KLF12: variants seen among roughly 807,000 people sequenced by gnomAD.
KLF12 encodes the protein KLF transcription factor 12.
A neutral mutation model predicts 37.8 loss-of-function variants in KLF12; 9 were observed. The observed-to-expected ratio is 0.24, with a 90% CI of 0.14 to 0.42. The LOEUF is 0.42. KLF12 is among the 10% of genes least tolerant of loss of function. The pLI, the probability that KLF12 is intolerant of heterozygous loss-of-function variation, is 1.00. For synonymous variants in KLF12, 208 were observed against 202.1 expected (o/e 1.03, Z -0.25); for missense variants, 411 against 516.0 (o/e 0.80, Z 1.97).
intron 3 of KLF12, among the ~76,000 whole-genome samples, chr13:73,857,410 A>G (rs970653779): frequency 6.6e-6 from 1 of 152,228 alleles, no homozygotes; most frequent in African/African-American, 2.4e-5. Flanking sequence ...ATAATGACAT[A>G]AAATTTGAGA....
chr13:73,998,305 A>C (rs560293451), intron 1 of KLF12, among the ~76,000 whole-genome samples: 1 of 152,298 alleles, frequency 6.6e-6, no homozygotes, highest in South Asian at 2.1e-4. Context: ...AATACATTTT[A>C]AATGTATTAA....
At chr13:73,881,403 C>A (rs1429148708) in intron 3 of KLF12, among the ~76,000 whole-genome samples, 1 of 152,014 alleles carries the variant, frequency 6.6e-6, no homozygotes, top group East Asian at 1.9e-4. Flanking sequence ...AAATTTTCAA[C>A]TTATTTGCTC....
intron 1 of KLF12, among the ~76,000 whole-genome samples, chr13:74,007,881 C>T (rs7986341): frequency 0.72 from 108,494 of 150,212 alleles, 39,695 homozygotes; most frequent in East Asian, 0.89. Context: ...ACAACTGGTA[C>T]ATGGAAAAAA....
intron 6 of KLF12, among the ~76,000 whole-genome samples, chr13:73,754,760 G>A (rs1879025645): frequency 6.6e-6 from 1 of 152,148 alleles, no homozygotes. Context: ...AAGGGAGATG[G>A]AATAAATCTC....
chr13:74,000,065 C>T lies in KLF12; in HGVS notation c.-31-5012G>A, dbSNP rs576822425. On this transcript the variant is annotated intron_variant, in intron 1 of 7. Transcript: ENST00000377669. ...CCGGTATCATAAGCCCTCCTCCCCA[C>T]TTTTTTTAAAGCTAAGAATATTAAA... 3.9e-5 allele frequency among the ~76,000 whole-genome samples: 6 copies of T among 152,202 alleles called. No individual in the cohort carries two copies. The South Asian group carries it at 1.2e-3, about 32-fold the overall frequency.
chr13:73,754,213 C>T (rs144494518), intron 6 of KLF12, among the ~76,000 whole-genome samples: 1 of 152,226 alleles, frequency 6.6e-6, no homozygotes, highest in African/African-American at 2.4e-5. Flanking sequence ...TCTTGCTACC[C>T]AGGCTTCTTT....
the KLF12 span, among the ~76,000 whole-genome samples, chr13:74,278,700 T>C: frequency 6.6e-6 from 1 of 152,194 alleles, no homozygotes; most frequent in Non-Finnish European, 1.5e-5. Flanking sequence ...TTCTCACCTT[T>C]TCCTAACTTT....
At chr13:73,887,624 G>T (rs1438696411) in intron 3 of KLF12, among the ~76,000 whole-genome samples, 1 of 151,428 alleles carries the variant, frequency 6.6e-6, no homozygotes, top group African/African-American at 2.4e-5. Context: ...TATATTAATA[G>T]ATTGCCCAGT....
intron 2 of KLF12, among the ~76,000 whole-genome samples, chr13:73,990,821 A>T (rs1201660320): frequency 1.3e-5 from 2 of 152,178 alleles, no homozygotes; most frequent in Non-Finnish European, 2.9e-5. Context: ...AAACTAAAAA[A>T]TATTCTTTGT....
At chr13:73,864,607 G>A (rs1348275191) in intron 3 of KLF12, among the ~76,000 whole-genome samples, 3 of 152,028 alleles carry the variant, frequency 2.0e-5, no homozygotes, top group Non-Finnish European at 4.4e-5. Context: ...AAATATTATT[G>A]ACTATAAATC....
At chr13:73,774,842 C>T (rs746325423) in intron 5 of KLF12, among the ~76,000 whole-genome samples, 2 of 150,726 alleles carry the variant, frequency 1.3e-5, no homozygotes, top group African/African-American at 4.9e-5. Context: ...CAATAACAAT[C>T]TATACATGTT....
chr13:73,876,923 G>A (rs929186857), intron 3 of KLF12, among the ~76,000 whole-genome samples: 23 of 151,662 alleles, frequency 1.5e-4, no homozygotes, highest in African/African-American at 5.6e-4. Context: ...GCTGAGGCAG[G>A]AGAATCACTT....
intron 2 of KLF12, among the ~76,000 whole-genome samples, chr13:73,944,679 A>C (rs1378724170): frequency 1.3e-5 from 2 of 152,228 alleles, no homozygotes; most frequent in Non-Finnish European, 2.9e-5. Context: ...ACAAACAATT[A>C]TTTGGTCTTT....
the KLF12 span, among the ~76,000 whole-genome samples, chr13:74,243,778 G>T: frequency 6.6e-6 from 1 of 152,102 alleles, no homozygotes; most frequent in African/African-American, 2.4e-5. Flanking sequence ...CATTTGTCCT[G>T]GGTTTTGAAA....
the KLF12 span, among the ~76,000 whole-genome samples, chr13:74,223,700 T>G: frequency 6.6e-6 from 1 of 152,168 alleles, no homozygotes; most frequent in Non-Finnish European, 1.5e-5. Flanking sequence ...GCATCAATAT[T>G]AACATATTTC....
At chr13:74,230,636 T>C in the KLF12 span, among the ~76,000 whole-genome samples, 83 of 152,294 alleles carry the variant, frequency 5.4e-4, 1 homozygote, top group South Asian at 3.5e-3. Flanking sequence ...TGAGCAACTA[T>C]GGAGGCAGAG....
chr13:74,127,282 T>A (rs1211126531), intron 1 of KLF12, among the ~76,000 whole-genome samples: 2 of 152,174 alleles, frequency 1.3e-5, no homozygotes, highest in Admixed American at 6.5e-5. Context: ...ACATAAAAAA[T>A]TTTTTCAGGG....
chr13:73,955,017 T>A, intron 2 of KLF12, among the ~76,000 whole-genome samples: 1 of 152,202 alleles, frequency 6.6e-6, no homozygotes, highest in East Asian at 1.9e-4. Flanking sequence ...CTCTACCATG[T>A]ATATAAGTCC....
At chr13:73,923,963 ATAC>A (rs1267515932) in intron 3 of KLF12, among the ~76,000 whole-genome samples, 1 of 152,224 alleles carries the variant, frequency 6.6e-6, no homozygotes, top group African/African-American at 2.4e-5. Flanking sequence ...TTATCAAATG[ATAC>A]TACATGTGGG....
Sources: gnomAD v4.1 joint callset for allele counts (sites outside exome capture counted in the v4.1 genomes callset) on GRCh38, gnomAD v4.1.1 for gene constraint, MANE v1.5 for transcripts, NCBI Gene and HGNC (gene_info 2026-07-23, HGNC 2026-07-21) for gene names.